Variants in PRKCH observed in about 807,000 individuals in gnomAD.
PRKCH encodes protein kinase C eta, also known as protein kinase C eta type.
A neutral mutation model predicts 82.5 loss-of-function variants in PRKCH; 28 were observed. The ratio of observed to expected loss-of-function variants is 0.34; its 90% CI spans 0.25 to 0.47. The LOEUF (loss-of-function observed/expected upper bound fraction) is 0.47, where lower values mean the gene tolerates loss of function less well. Among genes scored for constraint, PRKCH ranks in the 20% least tolerant of loss-of-function variants. PRKCH has a pLI of 1.00. For missense variants in PRKCH, 705 were observed against 881.8 expected (o/e 0.80, Z 2.54); for synonymous variants, 322 against 327.4 (o/e 0.98, Z 0.18).
intron 10 of PRKCH, among the ~76,000 whole-genome samples, chr14:61,517,775 A>G (rs1252955532): frequency 6.6e-6 from 1 of 152,216 alleles, no homozygotes; most frequent in Non-Finnish European, 1.5e-5. Flanking sequence ...TATTAATGTT[A>G]AAGAGGGAAT....
intron 1 of PRKCH, among the ~76,000 whole-genome samples, chr14:61,386,036 G>A (rs2046582655): frequency 6.6e-6 from 1 of 152,238 alleles, no homozygotes; most frequent in South Asian, 2.1e-4. Context: ...TAGGCAATAA[G>A]CTACAGATGG....
At chr14:61,245,588 G>A (rs2044872358) in intron 1 of PRKCH, among the ~76,000 whole-genome samples, 1 of 152,220 alleles carries the variant, frequency 6.6e-6, no homozygotes, top group African/African-American at 2.4e-5. Context: ...CACCAAAGGG[G>A]CCAAGGGTGA....
chr14:61,499,885 A>G (rs1886824496), intron 10 of PRKCH, among the ~76,000 whole-genome samples: 1 of 51,074 alleles, frequency 2.0e-5, no homozygotes, highest in Admixed American at 1.8e-4. Context: ...TAAGGGGTAG[A>G]CTTAAAAAAA....
chr14:61,257,710 T>C (rs1467218590), intron 1 of PRKCH, among the ~76,000 whole-genome samples: 2 of 151,902 alleles, frequency 1.3e-5, no homozygotes, highest in Non-Finnish European at 2.9e-5. Flanking sequence ...TTTCACCTTA[T>C]AGTATTGTAA....
chr14:61,320,954 G>C (rs2045610982), upstream of PRKCH, among the ~76,000 whole-genome samples: 1 of 152,206 alleles, frequency 6.6e-6, no homozygotes, highest in South Asian at 2.1e-4. Context: ...GTCTCCAGAA[G>C]AACCGACCTT....
chr14:61,229,379 C>G (rs57570839), intron 1 of PRKCH, among the ~76,000 whole-genome samples: 1,718 of 152,228 alleles, frequency 0.011, 34 homozygotes, highest in African/African-American at 0.038. Flanking sequence ...GGCAAGAAGG[C>G]TTTTAGCTGC....
intron 9 of PRKCH, among the ~76,000 whole-genome samples, chr14:61,472,785 A>G (rs887009211): frequency 1.3e-5 from 2 of 152,242 alleles, no homozygotes; most frequent in African/African-American, 4.8e-5. Flanking sequence ...CTAAATATTG[A>G]AAGTAGACCC....
intron 2 of PRKCH, among the ~76,000 whole-genome samples, chr14:61,418,161 G>A (rs756648496): frequency 6.6e-6 from 1 of 152,184 alleles, no homozygotes; most frequent in East Asian, 1.9e-4. Context: ...CAAACTGCAC[G>A]TACGATGTAA....
chr14:61,457,898 G>A (rs1884852134), intron 9 of PRKCH, among the ~76,000 whole-genome samples: 1 of 152,232 alleles, frequency 6.6e-6, no homozygotes, highest in Non-Finnish European at 1.5e-5. Context: ...TGGGGAAGGA[G>A]CACCGTGAGG....
intron 1 of PRKCH, among the ~76,000 whole-genome samples, chr14:61,293,585 A>G (rs2045381562): frequency 6.6e-6 from 1 of 152,242 alleles, no homozygotes; most frequent in South Asian, 2.1e-4. Context: ...GAACACCTGA[A>G]GATTTTTTTT....
At chr14:61,407,607 A>G (rs149380188) in intron 2 of PRKCH, among the ~76,000 whole-genome samples, 1 of 152,106 alleles carries the variant, frequency 6.6e-6, no homozygotes, top group African/African-American at 2.4e-5. Context: ...GCCCTGCTCA[A>G]ATGTGTCTGG....
At chr14:61,450,724 A>G in intron 5 of PRKCH, 118 bp from the exon 6 acceptor site, 1 of 1,216,728 alleles carries the variant, frequency 8.2e-7, no homozygotes, top group Non-Finnish European at 1.1e-6. Context: ...CAGTAAAATA[A>G]TATACCTAGC....
chr14:61,381,634 C>T (rs2046510916), intron 1 of PRKCH, among the ~76,000 whole-genome samples: 1 of 152,254 alleles, frequency 6.6e-6, no homozygotes, highest in African/African-American at 2.4e-5. Flanking sequence ...ATTTTCCCTG[C>T]CCCAGCACAG....
chr14:61,492,588 C>T (rs1006788177), intron 10 of PRKCH, among the ~76,000 whole-genome samples: 1 of 152,202 alleles, frequency 6.6e-6, no homozygotes, highest in African/African-American at 2.4e-5. Flanking sequence ...CAAACCAAGA[C>T]ATTTTGAGGC....
intron 2 of PRKCH, among the ~76,000 whole-genome samples, chr14:61,421,665 T>C (rs570707328): frequency 6.6e-6 from 1 of 152,324 alleles, no homozygotes; most frequent in African/African-American, 2.4e-5. Flanking sequence ...CAAGCTCTTT[T>C]CTACTTCTTA....
intron 2 of PRKCH, among the ~76,000 whole-genome samples, chr14:61,405,414 G>T (rs1195867089): frequency 6.8e-6 from 1 of 146,176 alleles, no homozygotes; most frequent in Non-Finnish European, 1.5e-5. Flanking sequence ...TCTCACTCTT[G>T]TCGCCCAGGC....
intron 9 of PRKCH, among the ~76,000 whole-genome samples, chr14:61,468,620 C>G (rs1885364969): frequency 6.6e-6 from 1 of 152,136 alleles, no homozygotes; most frequent in Admixed American, 6.5e-5. Flanking sequence ...GGCTCTGTCT[C>G]TTTGGACGCG....
rs56865144 is a variant in PRKCH, at chr14:61,337,140, ATTTTTTT to A, written c.363+14691_363+14697del. Among the ~76,000 whole-genome samples, 52 of 100,356 alleles carry A rather than the reference ATTTTTTT, an allele frequency of 5.2e-4. 2 individuals are homozygous for A. Among genetic ancestry groups the A allele is most frequent in the African/African-American group, 1.9e-3 (50 of 26,056 alleles). 65.8% of individuals were successfully genotyped at this position (100,356 alleles called of 152,430 possible). A position where few individuals can be genotyped will look rare whatever the true frequency, so the allele number is the denominator to read the frequency against. On this transcript the variant is annotated intron_variant, in intron 1 of 13. Transcript: ENST00000332981. ...ATAGATGTATTCAAGGACACCAACAATTTTTTTTTTTTTTTTTTTTTGAGACAGGGTC... is the reference window on the plus strand; with the variant it reads ...ATAGATGTATTCAAGGACACCAACAATTTTTTTTTTTTTTGAGACAGGGTC...
At chr14:61,210,388 C>T (rs1188508920) in intron 1 of PRKCH, among the ~76,000 whole-genome samples, 1 of 151,952 alleles carries the variant, frequency 6.6e-6, no homozygotes, top group Non-Finnish European at 1.5e-5. Context: ...ATGTTGCATT[C>T]CAGCTTCCAC....
Sources: gnomAD v4.1 joint callset for allele counts (sites outside exome capture counted in the v4.1 genomes callset) on GRCh38, gnomAD v4.1.1 for gene constraint, MANE v1.5 for transcripts, NCBI Gene and HGNC (gene_info 2026-07-23, HGNC 2026-07-21) for gene names.